GRIK4: variants seen among roughly 807,000 people sequenced by gnomAD.
GRIK4 encodes the protein glutamate ionotropic receptor kainate type subunit 4.
A neutral mutation model predicts 104.9 loss-of-function variants in GRIK4; 40 were observed. The observed-to-expected ratio is 0.38, with a 90% CI of 0.30 to 0.50. The LOEUF is 0.50. Among genes scored for constraint, GRIK4 ranks in the 20% least tolerant of loss-of-function variants. The pLI is 0.93. For missense variants in GRIK4, 1,047 were observed against 1,308.1 expected, an observed-to-expected ratio of 0.80 and a Z score of 3.08; for synonymous variants, 485 against 524.9, an observed-to-expected ratio of 0.92 and a Z score of 1.04.
intron 3 of GRIK4, among the ~76,000 whole-genome samples, chr11:120,748,253 C>T (rs1329696173): frequency 6.6e-6 from 1 of 152,112 alleles, no homozygotes; most frequent in African/African-American, 2.4e-5. Context: ...GAAACCTTCC[C>T]AGACTCTCCC....
intron 1 of GRIK4, among the ~76,000 whole-genome samples, chr11:120,561,297 G>T (rs535729334): frequency 1.1e-3 from 164 of 152,272 alleles, no homozygotes; most frequent in African/African-American, 3.6e-3. Context: ...AGGTTTTGAT[G>T]GAGCGCTTCT....
At chr11:120,536,476 T>G (rs1947976064) in intron 1 of GRIK4, among the ~76,000 whole-genome samples, 1 of 152,222 alleles carries the variant, frequency 6.6e-6, no homozygotes, top group Non-Finnish European at 1.5e-5. Context: ...CGGAGCTGGT[T>G]GAACAATTGG....
At chr11:120,735,697 A>AG (rs1437096634) in intron 3 of GRIK4, among the ~76,000 whole-genome samples, 1 of 151,342 alleles carries the variant, frequency 6.6e-6, no homozygotes, top group Non-Finnish European at 1.5e-5. Flanking sequence ...GAGTGAAAAA[A>AG]AAAGCCTTAG....
chr11:120,673,738 A>C (rs775394192), intron 3 of GRIK4, among the ~76,000 whole-genome samples: 1 of 152,188 alleles, frequency 6.6e-6, no homozygotes, highest in Non-Finnish European at 1.5e-5. Context: ...AGGAGCCTGG[A>C]GACCGGAACC....
chr11:120,617,755 C>T (rs1336070971), intron 1 of GRIK4, among the ~76,000 whole-genome samples: 1 of 152,154 alleles, frequency 6.6e-6, no homozygotes, highest in East Asian at 1.9e-4. Flanking sequence ...CCTCCTTTGC[C>T]TTTGGCCATG....
At chr11:120,876,965 G>T (rs138627208) in intron 11 of GRIK4, among the ~76,000 whole-genome samples, 1 of 152,142 alleles carries the variant, frequency 6.6e-6, no homozygotes, top group African/African-American at 2.4e-5. Context: ...GAGAGGCTCC[G>T]ATCAGCCCTC....
At position 120,628,438 on chromosome 11, in the gene GRIK4, G is replaced by T. The variant is rs928074423; in HGVS notation, c.-158-25247G>T. Among the ~76,000 whole-genome samples the T allele has an allele frequency of 2.6e-5, 4 of 152,138 alleles. No individual in the cohort carries two copies. The East Asian group carries it at 7.7e-4, about 29-fold the overall frequency. ...TGTGACTCTTGACCTGCTTATTTGT[G>T]TTCCCTGGGCCTCCCTGACCACCAG... On this transcript the variant is annotated intron_variant, in intron 1 of 20. Transcript: ENST00000527524.
At chr11:120,969,650 T>G (rs1438276138) in intron 19 of GRIK4, among the ~76,000 whole-genome samples, 1 of 152,186 alleles carries the variant, frequency 6.6e-6, no homozygotes, top group Admixed American at 6.5e-5. Context: ...CAGCATATGT[T>G]AATGTTGCTC....
At chr11:120,584,366 A>T (rs1948629793) in intron 1 of GRIK4, among the ~76,000 whole-genome samples, 2 of 152,228 alleles carry the variant, frequency 1.3e-5, no homozygotes, top group South Asian at 4.1e-4. Flanking sequence ...TAATTGGCTC[A>T]CAGATCTGCA....
intron 1 of GRIK4, among the ~76,000 whole-genome samples, chr11:120,589,458 T>C (rs928081197): frequency 2.6e-4 from 40 of 152,156 alleles, no homozygotes; most frequent in African/African-American, 9.7e-4. Flanking sequence ...AAGATAAAGC[T>C]TGGGAACTCC....
intron 14 of GRIK4, among the ~76,000 whole-genome samples, chr11:120,950,534 T>C (rs886760243): frequency 3.3e-5 from 5 of 152,188 alleles, no homozygotes; most frequent in African/African-American, 4.8e-5. Context: ...CAGATTGAAA[T>C]AGTCATAAGT....
intron 8 of GRIK4, among the ~76,000 whole-genome samples, chr11:120,850,528 A>G (rs1953949350): frequency 6.6e-6 from 1 of 151,988 alleles, no homozygotes; most frequent in South Asian, 2.1e-4. Flanking sequence ...CAAATGATAA[A>G]CTCTGTGTTG....
chr11:120,875,261 G>T lies in GRIK4; in HGVS notation c.1164+18G>T, dbSNP rs536931774. On this transcript the variant is annotated intron_variant, in intron 11 of 20. Coordinates refer to ENST00000527524, the MANE Select transcript of GRIK4 (RefSeq NM_014619.5). Reference sequence around the variant, plus strand: ...TTCGGCAGGTAAGCCTAGCTGCACCGTGGTGATGGCAGGTCCTCCTCTCTG... The same window carrying T: ...TTCGGCAGGTAAGCCTAGCTGCACCTTGGTGATGGCAGGTCCTCCTCTCTG... 2 of 1,450,800 alleles carry T rather than the reference G, an allele frequency of 1.4e-6. No individual in the cohort carries two copies. Among genetic ancestry groups the T allele is most frequent in the South Asian group, 2.3e-5 (2 of 87,778 alleles). The allele number at this position is 1,450,800 out of a possible 1,614,324, so 89.9% of individuals were successfully genotyped here.
chr11:120,884,946 G>A (rs12577638), intron 11 of GRIK4, among the ~76,000 whole-genome samples: 33,496 of 152,224 alleles, frequency 0.22, 4,566 homozygotes, highest in East Asian at 0.47. Flanking sequence ...CCAGAAGGAC[G>A]GCAAGTAACC....
intron 1 of GRIK4, among the ~76,000 whole-genome samples, chr11:120,545,127 CGGTTTCCTGTGGCTCTCTGCAG>C (rs1340765113): frequency 6.6e-6 from 1 of 152,098 alleles, no homozygotes; most frequent in African/African-American, 2.4e-5. Context: ...GGTCACTGGC[CGGTTTCCTGTGGCTCTCTGCAG>C]GGTTCCCACT....
intron 19 of GRIK4, among the ~76,000 whole-genome samples, chr11:120,972,543 A>G (rs1469428587): frequency 6.6e-6 from 1 of 152,180 alleles, no homozygotes; most frequent in Non-Finnish European, 1.5e-5. Context: ...AAAGAAATAG[A>G]AGAACCAGGC....
rs148131807 is a variant in GRIK4, at chr11:120,626,426, C to T, written c.-158-27259C>T. On this transcript the variant is annotated intron_variant, in intron 1 of 20. Coordinates refer to ENST00000527524, the MANE Select transcript of GRIK4 (RefSeq NM_014619.5). ...ACACTTTATTGGAGGGAAACTGATG[C>T]GCTTCCCTACCCTTAGACGAGAGAG... 2.0e-3 allele frequency among the ~76,000 whole-genome samples: 308 copies of T among 152,248 alleles called. 2 individuals are homozygous for T. The highest frequency in any genetic ancestry group is 7.0e-3 in the African/African-American group (290 of 41,546).
chr11:120,845,519 A>T (rs929308076), intron 8 of GRIK4, among the ~76,000 whole-genome samples: 28 of 152,066 alleles, frequency 1.8e-4, no homozygotes, highest in African/African-American at 6.5e-4. Context: ...TACAGCTGTT[A>T]TCAGAAACAT....
At chr11:120,933,932 C>T (rs992245728) in intron 13 of GRIK4, among the ~76,000 whole-genome samples, 1 of 152,042 alleles carries the variant, frequency 6.6e-6, no homozygotes, top group Non-Finnish European at 1.5e-5. Context: ...TAGCCAGGCG[C>T]GGTGGCTCAC....
Sources: allele counts gnomAD v4.1 joint callset (sites outside exome capture counted in the v4.1 genomes callset), GRCh38; gene constraint gnomAD v4.1.1; transcripts MANE v1.5; gene names NCBI Gene and HGNC (gene_info 2026-07-23, HGNC 2026-07-21).